PPARG: variants seen among roughly 807,000 people sequenced by gnomAD.
PPARG encodes the protein peroxisome proliferator-activated receptor gamma.
Under a neutral mutation model 39.2 loss-of-function variants are expected in PPARG, and 17 were observed. That is an observed-to-expected ratio of 0.43 (90% confidence interval 0.30 to 0.65). The LOEUF (loss-of-function observed/expected upper bound fraction) is 0.65. Among genes scored for constraint, PPARG ranks in the 30% least tolerant of loss-of-function variants. The pLI, the probability that PPARG is intolerant of heterozygous loss-of-function variation, is 0.13. For synonymous variants in PPARG, 223 were observed against 215.7 expected, an observed-to-expected ratio of 1.03 and a Z score of -0.30; for missense variants, 406 against 585.9, an observed-to-expected ratio of 0.69 and a Z score of 3.17.
intron 7 of PPARG, among the ~76,000 whole-genome samples, chr3:12,417,901 C>CTT (rs1559533744): frequency 4.3e-5 from 2 of 46,140 alleles, no homozygotes; most frequent in Non-Finnish European, 4.1e-5. Flanking sequence ...TTTTTTTTTT[C>CTT]CTTTTTTTTT....
intron 2 of PPARG, among the ~76,000 whole-genome samples, chr3:12,329,628 G>A (rs1307963132): frequency 3.3e-5 from 5 of 151,608 alleles, no homozygotes; most frequent in Admixed American, 6.6e-5. Flanking sequence ...TTTTTTTATT[G>A]TGGTAAAATA....
chr3:12,430,073 A>G (rs1220559390), intron 7 of PPARG, among the ~76,000 whole-genome samples: 1 of 152,208 alleles, frequency 6.6e-6, no homozygotes, highest in East Asian at 1.9e-4. Flanking sequence ...TTAGAAGAAT[A>G]TTTAGAGTTC....
intron 2 of PPARG, among the ~76,000 whole-genome samples, chr3:12,339,483 CT>C (rs1370072287): frequency 1.3e-5 from 2 of 152,182 alleles, no homozygotes; most frequent in African/African-American, 4.8e-5. Flanking sequence ...ATCAATAACG[CT>C]GTTTTAAAAG....
intron 2 of PPARG, among the ~76,000 whole-genome samples, chr3:12,341,749 C>T (rs1419773428): frequency 2.6e-5 from 4 of 152,078 alleles, no homozygotes; most frequent in East Asian, 1.9e-4. Flanking sequence ...TCAGAGGTTG[C>T]GGTGAGCTAT....
At chr3:12,305,992 A>G (rs1369373618) in intron 1 of PPARG, 1 of 152,246 alleles carries the variant, frequency 6.6e-6, no homozygotes, top group African/African-American at 2.4e-5. Flanking sequence ...TGCTTATTCT[A>G]TATCAGGCTC....
At chr3:12,294,632 C>T (rs751379291) in intron 1 of PPARG, among the ~76,000 whole-genome samples, 5 of 152,264 alleles carry the variant, frequency 3.3e-5, no homozygotes, top group South Asian at 4.1e-4. Flanking sequence ...CAGTGGCTCA[C>T]GCCTGTAATC....
At chr3:12,363,341 T>A (rs1407721447) in intron 2 of PPARG, among the ~76,000 whole-genome samples, 1 of 152,240 alleles carries the variant, frequency 6.6e-6, no homozygotes, top group African/African-American at 2.4e-5. Context: ...AATGAAAATC[T>A]TCAAATCAGC....
chr3:12,366,749 C>T (rs1357296944), intron 2 of PPARG, among the ~76,000 whole-genome samples: 3 of 152,158 alleles, frequency 2.0e-5, no homozygotes, highest in African/African-American at 7.2e-5. Flanking sequence ...CTAAATCTCA[C>T]TTGGCCATGG....
At chr3:12,366,330 G>A (rs924065180) in intron 2 of PPARG, among the ~76,000 whole-genome samples, 2 of 151,174 alleles carry the variant, frequency 1.3e-5, no homozygotes, top group African/African-American at 4.8e-5. Flanking sequence ...AGGTCCAGGA[G>A]ATTTTTTTTT....
At chr3:12,427,782 TA>T (rs1275754086) in intron 7 of PPARG, among the ~76,000 whole-genome samples, 1 of 152,196 alleles carries the variant, frequency 6.6e-6, no homozygotes, top group Non-Finnish European at 1.5e-5. Flanking sequence ...AAAAGGAACT[TA>T]AATTGCAAAG....
At chr3:12,347,665 T>C (rs2048366835) in intron 2 of PPARG, among the ~76,000 whole-genome samples, 1 of 152,182 alleles carries the variant, frequency 6.6e-6, no homozygotes, top group Non-Finnish European at 1.5e-5. Flanking sequence ...AGCAATTATC[T>C]GGCTTCCGTG....
chr3:12,288,799 C>T (rs1032471550), upstream of PPARG: 4 of 152,298 alleles, frequency 2.6e-5, no homozygotes, highest in Non-Finnish European at 5.9e-5. Flanking sequence ...GCCAGGACCC[C>T]CAGCCGCACC....
intron 2 of PPARG, among the ~76,000 whole-genome samples, chr3:12,333,339 A>G (rs1298331365): frequency 2.6e-5 from 4 of 152,192 alleles, no homozygotes; most frequent in Admixed American, 2.0e-4. Context: ...GCTTTGCCCA[A>G]AGTTACACCA....
intron 6 of PPARG, among the ~76,000 whole-genome samples, chr3:12,411,200 AT>A (rs1319361439): frequency 1.3e-5 from 2 of 150,942 alleles, no homozygotes; most frequent in Admixed American, 6.6e-5. Context: ...AAGCACTTGG[AT>A]TTTTTTTTTC....
chr3:12,378,543 T>C (rs2049502498), intron 2 of PPARG, among the ~76,000 whole-genome samples: 2 of 152,106 alleles, frequency 1.3e-5, no homozygotes, highest in Admixed American at 6.6e-5. Flanking sequence ...TAGAGGACGT[T>C]ATGCTAAGAG....
intron 2 of PPARG, among the ~76,000 whole-genome samples, chr3:12,339,911 G>A (rs11128602): frequency 0.27 from 41,278 of 151,998 alleles, 5,699 homozygotes; most frequent in East Asian, 0.33. Flanking sequence ...TCTTGCTCAC[G>A]CAAGCTTCCT....
intron 4 of PPARG, among the ~76,000 whole-genome samples, chr3:12,387,459 C>T (rs1321208208): frequency 1.3e-5 from 2 of 152,148 alleles, no homozygotes; most frequent in Non-Finnish European, 2.9e-5. Context: ...ATTTGCATTT[C>T]TCTGATGGCC....
intron 2 of PPARG, among the ~76,000 whole-genome samples, chr3:12,372,740 A>G (rs904544116): frequency 6.6e-6 from 1 of 152,220 alleles, no homozygotes; most frequent in African/African-American, 2.4e-5. Context: ...AATGCCTATC[A>G]GATTAAAGAA....
chr3:12,382,942 G>A (rs2049737483), intron 4 of PPARG, among the ~76,000 whole-genome samples: 1 of 152,134 alleles, frequency 6.6e-6, no homozygotes, highest in Admixed American at 6.6e-5. Flanking sequence ...CTGCACTCCA[G>A]CCTGGGTCAC....
Sources: gnomAD v4.1 joint callset for allele counts (sites outside exome capture counted in the v4.1 genomes callset) on GRCh38, gnomAD v4.1.1 for gene constraint, MANE v1.5 for transcripts, NCBI Gene and HGNC (gene_info 2026-07-23, HGNC 2026-07-21) for gene names.